The following SLC30A8 variants were observed in gnomAD, a reference collection of about 807,000 sequenced individuals.
The protein encoded by SLC30A8 is solute carrier family 30 member 8.
SLC30A8 carries 27 observed loss-of-function variants against 36.9 expected under a neutral mutation model. The observed-to-expected ratio is 0.73, with a 90% CI of 0.54 to 1.01. The LOEUF is 1.01. Among genes scored for constraint, SLC30A8 ranks in the 50% least tolerant of loss-of-function variants. The pLI, the probability that SLC30A8 is intolerant of heterozygous loss-of-function variation, is 0.00. For missense variants in SLC30A8, 439 were observed against 452.0 expected (o/e 0.97, Z 0.26); for synonymous variants, 164 against 172.4 (o/e 0.95, Z 0.38).
intron 1 of SLC30A8, among the ~76,000 whole-genome samples, chr8:117,144,408 A>G (rs1330449056): frequency 6.6e-6 from 1 of 152,184 alleles, no homozygotes; most frequent in Non-Finnish European, 1.5e-5. Flanking sequence ...GTTTGGCAAT[A>G]TATGTCAAAA....
rs1823618922 is a variant in SLC30A8, at chr8:117,175,231, A to ATTCT, written c.*2553_*2556dup. The ATTCT allele has an allele frequency of 6.6e-6, 1 of 152,062 alleles. No individual in the cohort carries two copies. Among genetic ancestry groups the ATTCT allele is most frequent in the South Asian group, 2.1e-4 (1 of 4,830 alleles). 9.4% of individuals were successfully genotyped at this position (152,062 alleles called of 1,614,324 possible). On this transcript the variant is annotated 3_prime_UTR_variant, in exon 8 of 8. Coordinates refer to ENST00000456015, the MANE Select transcript of SLC30A8 (RefSeq NM_173851.3). ...CTGCACTCATCAACCTGTCATCTAC[A>ATTCT]TTCTTTTATGTCTGTCTTTCAAAGC... is the stretch of plus-strand genomic sequence containing the variant.
intron 2 of SLC30A8, among the ~76,000 whole-genome samples, chr8:117,104,941 C>T (rs1819914376): frequency 6.6e-6 from 1 of 152,084 alleles, no homozygotes; most frequent in South Asian, 2.1e-4. Context: ...TGTAAATTGT[C>T]ATGGCACTGG....
At position 117,174,397 on chromosome 8, in the gene SLC30A8, T is replaced by TAAC. The variant is rs1347950269; in HGVS notation, c.*1717_*1719dup. 6.6e-6 allele frequency: 1 copy of TAAC among 152,550 alleles called. No homozygotes were observed. The highest frequency in any genetic ancestry group is 1.5e-5 in the Non-Finnish European group (1 of 68,020). 9.4% of individuals were successfully genotyped at this position (152,550 alleles called of 1,614,324 possible). A position where few individuals can be genotyped will look rare whatever the true frequency, so the allele number is the denominator to read the frequency against. ...TGCAAATCAATCAGCACCACTGAAA[T>TAAC]AACTACTTAGCATTCTGCTGAGCTT... On this transcript the variant is annotated 3_prime_UTR_variant, in exon 8 of 8. Coordinates refer to ENST00000456015, the MANE Select transcript of SLC30A8 (RefSeq NM_173851.3).
chr8:117,035,031 G>A (rs1012047858), intron 1 of SLC30A8, among the ~76,000 whole-genome samples: 1 of 152,070 alleles, frequency 6.6e-6, no homozygotes, highest in Non-Finnish European at 1.5e-5. Context: ...GACACTGTGG[G>A]GATTACAGTT....
intron 2 of SLC30A8, among the ~76,000 whole-genome samples, chr8:117,117,529 AT>A (rs754395175): frequency 5.1e-4 from 77 of 152,172 alleles, no homozygotes; most frequent in South Asian, 4.1e-3. Context: ...AGAGAGTGCA[AT>A]AAAGCTATGG....
rs187168452 is a variant in SLC30A8 at position 117,030,523 on chromosome 8, T to C, written c.-265-8696T>C. Among the ~76,000 whole-genome samples, 4 of 152,330 alleles carry C rather than the reference T, an allele frequency of 2.6e-5. No homozygotes were observed. The East Asian group carries it at 7.7e-4, about 29-fold the overall frequency. Reference sequence around the variant, plus strand: ...ATGCTCAATGTCTGAACTTGATCTCTTTGGTCTGTCTTCTTCTTTGTCATG... The same window carrying C: ...ATGCTCAATGTCTGAACTTGATCTCCTTGGTCTGTCTTCTTCTTTGTCATG... On this transcript the variant is annotated intron_variant, in intron 1 of 10. Transcript: ENST00000427715.
chr8:117,083,060 T>C (rs1818728201), intron 2 of SLC30A8, among the ~76,000 whole-genome samples: 1 of 152,316 alleles, frequency 6.6e-6, no homozygotes, highest in South Asian at 2.1e-4. Context: ...CTCTTCTCCA[T>C]TGTGGCAGAA....
chr8:117,010,349 T>C (rs545232180), intron 1 of SLC30A8, among the ~76,000 whole-genome samples: 31 of 152,282 alleles, frequency 2.0e-4, no homozygotes, highest in Middle Eastern at 3.4e-3. Context: ...GCTCCCACAG[T>C]GTCCAGAACA....
chr8:117,055,702 C>T (rs1193304381), intron 2 of SLC30A8: 2 of 152,138 alleles, frequency 1.3e-5, no homozygotes, highest in Non-Finnish European at 2.9e-5. Context: ...ATAATGGAAA[C>T]CATTTAGATG....
At chr8:117,075,284 C>A (rs1818455832) in intron 2 of SLC30A8, among the ~76,000 whole-genome samples, 1 of 152,116 alleles carries the variant, frequency 6.6e-6, no homozygotes, top group South Asian at 2.1e-4. Context: ...TACTGGAAAT[C>A]CTTCTCCCTC....
At chr8:117,109,260 T>C (rs1490004571) in intron 2 of SLC30A8, among the ~76,000 whole-genome samples, 1 of 152,148 alleles carries the variant, frequency 6.6e-6, no homozygotes, top group Non-Finnish European at 1.5e-5. Context: ...GCATTATTCT[T>C]TGAAGGAAAG....
At position 117,172,600 on chromosome 8, in the gene SLC30A8, G is replaced by A. The variant is rs192753344; in HGVS notation, c.1029G>A (p.Thr343=). ...EIAKALSKSF[T]MHSLTIQMES... ...CTAAAGCCCTTAGCAAAAGCTTTAC[G>A]ATGCACTCACTCACCATTCAGATGG... Residue 343 remains threonine (T), a synonymous_variant, in exon 8 of 8, where the codon ACG becomes ACA. Transcript: ENST00000456015. 5.3e-5 allele frequency: 85 copies of A among 1,613,600 alleles called. No homozygotes were observed. The highest frequency in any genetic ancestry group is 6.6e-5 in the South Asian group (6 of 91,086).
At chr8:117,044,298 T>C (rs1283373133) in intron 2 of SLC30A8, among the ~76,000 whole-genome samples, 1 of 152,202 alleles carries the variant, frequency 6.6e-6, no homozygotes, top group Non-Finnish European at 1.5e-5. Context: ...GGTAACATTG[T>C]TTATTCATTG....
chr8:116,961,261 C>T (rs370246993), intron 1 of SLC30A8, among the ~76,000 whole-genome samples: 12 of 152,180 alleles, frequency 7.9e-5, no homozygotes, highest in Middle Eastern at 3.4e-3. Context: ...AACCCCGTCT[C>T]TACTAAAAAT....
At chr8:117,059,007 G>C (rs1383333909) in intron 2 of SLC30A8, among the ~76,000 whole-genome samples, 1 of 147,644 alleles carries the variant, frequency 6.8e-6, no homozygotes, top group Admixed American at 6.7e-5. Context: ...AAGGATAAAA[G>C]TTCACAAAAT....
intron 6 of SLC30A8, among the ~76,000 whole-genome samples, chr8:117,166,664 C>A (rs945874058): frequency 6.6e-6 from 1 of 152,116 alleles, no homozygotes; most frequent in African/African-American, 2.4e-5. Context: ...GAAGGGATTC[C>A]CACATGCTGG....
At chr8:117,006,983 TTCTG>T (rs1816201020) in intron 1 of SLC30A8, 1 of 63,384 alleles carries the variant, frequency 1.6e-5, no homozygotes, top group Non-Finnish European at 4.0e-5. Flanking sequence ...TTTTTTTTTT[TTCTG>T]TAGAGACAGC....
At chr8:117,116,341 C>G (rs1820444422) in intron 2 of SLC30A8, among the ~76,000 whole-genome samples, 1 of 152,006 alleles carries the variant, frequency 6.6e-6, no homozygotes, top group African/African-American at 2.4e-5. Context: ...TATGATTAAA[C>G]TGAACTAAAA....
At chr8:117,140,353 A>G (rs760284619) in intron 1 of SLC30A8, among the ~76,000 whole-genome samples, 5 of 151,962 alleles carry the variant, frequency 3.3e-5, no homozygotes, top group Non-Finnish European at 5.9e-5. Flanking sequence ...AGTGGCCCCA[A>G]ACTTCTGAAG....
Sources: allele counts gnomAD v4.1 joint callset (sites outside exome capture counted in the v4.1 genomes callset), GRCh38; gene constraint gnomAD v4.1.1; transcripts MANE v1.5; gene names NCBI Gene and HGNC (gene_info 2026-07-23, HGNC 2026-07-21).